MTHFS: variants seen among roughly 807,000 people sequenced by gnomAD.
MTHFS encodes methenyltetrahydrofolate synthetase, also known as 5-formyltetrahydrofolate cyclo-ligase.
In MTHFS, 7 loss-of-function variants were observed where a neutral mutation model predicts 12.7. The ratio of observed to expected loss-of-function variants is 0.55; its 90% CI spans 0.31 to 1.03. MTHFS has a LOEUF of 1.03. Ranked by LOEUF, MTHFS falls within the 50% of genes least tolerant of loss-of-function variation. The pLI is 0.05. For synonymous variants in MTHFS, 100 were observed against 97.1 expected (o/e 1.03, Z -0.18); for missense variants, 252 against 258.1 (o/e 0.98, Z 0.16).
At chr15:79,849,795 G>A (rs1296653113) in intron 2 of MTHFS, among the ~76,000 whole-genome samples, 3 of 152,260 alleles carry the variant, frequency 2.0e-5, no homozygotes, top group Non-Finnish European at 4.4e-5. Context: ...TTGTTCTGCA[G>A]AGTCATGGTT....
Position 79,896,826 on chromosome 15 carries a change from T to C in MTHFS, c.117+46A>G, listed in dbSNP as rs116077206. 6,018 of 1,536,868 alleles carry C rather than the reference T, an allele frequency of 3.9e-3. 207 individuals carry two copies. In the African/African-American group the frequency reaches 0.068, roughly 17 times the overall value. The stretch of plus-strand genomic sequence containing the variant: ...TCAGCAATCGCTGGCCGCCAGGCCT[T>C]CGGAGGGTCTGTCCGCCGCGGCTTC... On this transcript the variant is annotated intron_variant, in intron 1 of 2. Coordinates refer to ENST00000258874, the MANE Select transcript of MTHFS (RefSeq NM_006441.4).
intron 2 of MTHFS, among the ~76,000 whole-genome samples, chr15:79,872,719 A>G (rs2034128233): frequency 6.6e-6 from 1 of 152,210 alleles, no homozygotes; most frequent in Non-Finnish European, 1.5e-5. Flanking sequence ...GGTCATTGCC[A>G]TGGCATTTGT....
chr15:79,878,067 G>A (rs569438133), intron 2 of MTHFS: 9 of 152,098 alleles, frequency 5.9e-5, no homozygotes, highest in Non-Finnish European at 1.0e-4. Flanking sequence ...AGGAAAGAAT[G>A]AAGAACACTG....
intron 1 of MTHFS, among the ~76,000 whole-genome samples, chr15:79,893,255 T>C (rs891404203): frequency 1.3e-5 from 2 of 151,050 alleles, no homozygotes; most frequent in Non-Finnish European, 2.9e-5. Context: ...ATACAAAAAT[T>C]AGTCAGGCGT....
rs181022192 is a variant in MTHFS, at chr15:79,896,668, G to A, written c.117+204C>T. On this transcript the variant is annotated intron_variant, in intron 1 of 2. Transcript: ENST00000258874. ...TTAGCCCCACAACTTTCACTACCGG[G>A]CCCTCTCCCCGCCATAGTGCCAAGA... is the stretch of plus-strand genomic sequence containing the variant. 9.2e-4 allele frequency: 829 copies of A among 900,554 alleles called. 13 individuals carry two copies. The African/African-American group carries it at 0.013, about 14-fold the overall frequency. 55.8% of individuals were successfully genotyped at this position (900,554 alleles called of 1,614,324 possible).
At chr15:79,868,543 G>A (rs1303583063) in intron 2 of MTHFS, among the ~76,000 whole-genome samples, 1 of 152,222 alleles carries the variant, frequency 6.6e-6, no homozygotes, top group Non-Finnish European at 1.5e-5. Context: ...GTCTATGAGA[G>A]TGTTTTAGGA....
intron 1 of MTHFS, among the ~76,000 whole-genome samples, chr15:79,894,539 T>A (rs1196250142): frequency 6.6e-6 from 1 of 152,210 alleles, no homozygotes; most frequent in African/African-American, 2.4e-5. Context: ...ATGCCAGCTC[T>A]CAGTCGTCAT....
chr15:79,845,537 T>C (rs2033597464), intron 2 of MTHFS, 95 bp from the exon 3 acceptor site: 1 of 1,459,412 alleles, frequency 6.9e-7, no homozygotes, highest in Admixed American at 2.4e-5. Flanking sequence ...CAATTCTTTC[T>C]CTGATTTCTA....
rs186375302 is a variant in MTHFS, at chr15:79,879,684, C to G, written c.379+9409G>C. Among the ~76,000 whole-genome samples the G allele has an allele frequency of 1.9e-3, 291 of 152,156 alleles. 1 individual carries two copies. Among genetic ancestry groups the G allele is most frequent in the African/African-American group, 6.9e-3 (286 of 41,488 alleles). Reference sequence around the variant, plus strand: ...CAATAAGGCCTGTAATAGATGCATGCCTTCTTGAGAAGCAGAGGCCTAAAT... The same window carrying G: ...CAATAAGGCCTGTAATAGATGCATGGCTTCTTGAGAAGCAGAGGCCTAAAT... On this transcript the variant is annotated intron_variant, in intron 2 of 2. Coordinates refer to ENST00000258874, the MANE Select transcript of MTHFS (RefSeq NM_006441.4).
At chr15:79,854,021 G>T (rs961865428) in intron 2 of MTHFS, among the ~76,000 whole-genome samples, 5 of 152,186 alleles carry the variant, frequency 3.3e-5, no homozygotes, top group Non-Finnish European at 4.4e-5. Flanking sequence ...GCTAGGAAAT[G>T]CAGGCCTGGG....
At chr15:79,861,327 C>T (rs1417300609) in intron 2 of MTHFS, among the ~76,000 whole-genome samples, 1 of 152,164 alleles carries the variant, frequency 6.6e-6, no homozygotes. Context: ...CTGTCTTCCC[C>T]AACAAAATGT....
At chr15:79,877,217 A>C (rs2034213314) in intron 2 of MTHFS, 1 of 152,122 alleles carries the variant, frequency 6.6e-6, no homozygotes, top group African/African-American at 2.4e-5. Context: ...AGCCTAAGTG[A>C]CTTGTGGGAC....
chr15:79,896,755 G>A, intron 1 of MTHFS, 117 bp downstream of exon 1: 2 of 1,437,976 alleles, frequency 1.4e-6, no homozygotes, highest in Non-Finnish European at 1.8e-6. Flanking sequence ...GCGCGCCGGG[G>A]GGTGGGGGGG....
chr15:79,880,324 C>T (rs2034275303), intron 2 of MTHFS, among the ~76,000 whole-genome samples: 1 of 152,040 alleles, frequency 6.6e-6, no homozygotes, highest in South Asian at 2.1e-4. Context: ...TTGTGATCCG[C>T]CTTCCTCAGC....
At chr15:79,853,146 G>C (rs1466331400) in intron 2 of MTHFS, among the ~76,000 whole-genome samples, 1 of 152,214 alleles carries the variant, frequency 6.6e-6, no homozygotes, top group African/African-American at 2.4e-5. Context: ...TACGAAAGAA[G>C]AGTGGCTACC....
At chr15:79,852,547 T>C (rs2033734385) in intron 2 of MTHFS, among the ~76,000 whole-genome samples, 1 of 152,214 alleles carries the variant, frequency 6.6e-6, no homozygotes, top group Non-Finnish European at 1.5e-5. Flanking sequence ...ATATTCACAC[T>C]GAATCAAACA....
In MTHFS at chr15:79,845,359, C is replaced by A; in HGVS notation, c.463G>T (p.Ala155Ser). ...TGCTGCAAACAGCGCTTCAGATAGG[C>A]ATCATAGTAGCCCTTGCCCCTCCCC... is the stretch of plus-strand genomic sequence containing the variant. ...RLGRGKGYYD[A>S]YLKRCLQHQE... is the part of the protein sequence containing the mutation. The change falls in exon 3 of 3, where the codon GCC becomes TCC. Residue 155 changes from alanine (A) to serine (S), a missense_variant. Transcript: ENST00000258874. The A allele has an allele frequency of 6.2e-7, 1 of 1,614,194 alleles. No individual in the cohort carries two copies.
intron 2 of MTHFS, among the ~76,000 whole-genome samples, chr15:79,888,396 G>C (rs903002380): frequency 6.6e-6 from 1 of 152,098 alleles, no homozygotes. Context: ...TTTAAGGAGG[G>C]GAGAGAAGTG....
At chr15:79,859,201 G>A (rs1022198265) in intron 2 of MTHFS, among the ~76,000 whole-genome samples, 2 of 152,100 alleles carry the variant, frequency 1.3e-5, no homozygotes, top group African/African-American at 4.8e-5. Context: ...AGGGGATTTT[G>A]GAAAAGAAAC....
Sources: allele counts gnomAD v4.1 joint callset (sites outside exome capture counted in the v4.1 genomes callset), GRCh38; gene constraint gnomAD v4.1.1; transcripts MANE v1.5; gene names NCBI Gene and HGNC (gene_info 2026-07-23, HGNC 2026-07-21).